PRKN: variants seen among roughly 807,000 people sequenced by gnomAD.
The protein encoded by PRKN is E3 ubiquitin-protein ligase parkin.
In PRKN, 56 loss-of-function variants were observed where a neutral mutation model predicts 59.5. The observed-to-expected ratio is 0.94, with a 90% CI of 0.76 to 1.18. PRKN has a LOEUF of 1.18. Ranked by LOEUF, PRKN falls within the 50% of genes most tolerant of loss-of-function variation. The probability of loss-of-function intolerance (pLI) is 0.00; values close to 1 mark genes in which losing one functional copy is unlikely to be tolerated. For missense variants in PRKN, 657 were observed against 596.4 expected (o/e 1.10, Z -1.06); for synonymous variants, 250 against 222.1 (o/e 1.13, Z -1.12).
Position 161,582,862 on chromosome 6 carries a change from TC to T in PRKN, c.872-13447del, listed in dbSNP as rs1178286205. 1.3e-5 allele frequency among the ~76,000 whole-genome samples: 2 copies of T among 151,980 alleles called. No individual in the cohort carries two copies. Among genetic ancestry groups the T allele is most frequent in the Non-Finnish European group, 2.9e-5 (2 of 67,990 alleles). ...CCAGGTTGGGAAGCTCAATGCTGCA[TC>T]CATGTAGCTGATCCCAGCATAGGCC... On this transcript the variant is annotated intron_variant, in intron 7 of 11. Coordinates refer to ENST00000366898, the MANE Select transcript of PRKN (RefSeq NM_004562.3). This position sits in a 1 kb window ranked among gnomAD's most constrained non-coding sequence, Gnocchi z 4.4.
At chr6:162,567,221 G>T (rs1009214101) in intron 1 of PRKN, among the ~76,000 whole-genome samples, 3 of 152,226 alleles carry the variant, frequency 2.0e-5, no homozygotes, top group Non-Finnish European at 2.9e-5. Context: ...TGACAAGGAT[G>T]CCTGATGTCA....
Position 161,444,281 on chromosome 6 carries a change from T to C in PRKN, c.1084-57404A>G, listed in dbSNP as rs189150945. Among the ~76,000 whole-genome samples, 611 of 152,290 alleles carry C rather than the reference T, an allele frequency of 4.0e-3. 4 individuals carry two copies. The highest frequency in any genetic ancestry group is 6.1e-3 in the Admixed American group (94 of 15,302). The stretch of plus-strand genomic sequence containing the variant: ...GCTCCCAATCATCTGTCAACTTGTC[T>C]TTCCTATTTAGCAAACGATTGAGAT... On this transcript the variant is annotated intron_variant, in intron 9 of 11. Transcript: ENST00000366898. This position sits in a 1 kb window ranked among gnomAD's most constrained non-coding sequence, Gnocchi z 5.6.
At chr6:161,367,225 C>T (rs1354846624) in intron 10 of PRKN, among the ~76,000 whole-genome samples, 2 of 151,920 alleles carry the variant, frequency 1.3e-5, no homozygotes, top group African/African-American at 4.8e-5. Context: ...TTGTGATCCA[C>T]CCGCCTCGGC....
At chr6:161,829,504 C>T (rs536230724) in intron 6 of PRKN, among the ~76,000 whole-genome samples, 35 of 152,210 alleles carry the variant, frequency 2.3e-4, no homozygotes, top group African/African-American at 7.0e-4. Context: ...ATCAGACAAG[C>T]GGGTTATGTC....
At chr6:161,712,987 T>G (rs1314573146) in intron 7 of PRKN, among the ~76,000 whole-genome samples, 1 of 152,072 alleles carries the variant, frequency 6.6e-6, no homozygotes, top group Non-Finnish European at 1.5e-5. Context: ...TCCCACAGAT[T>G]GAGGGCTCAG....
intron 9 of PRKN, among the ~76,000 whole-genome samples, chr6:161,426,644 TACAC>T (rs546537464): frequency 0.016 from 496 of 31,036 alleles, no homozygotes; most frequent in Non-Finnish European, 0.024. Context: ...AACTCCCCTT[TACAC>T]ACACACACAC....
intron 7 of PRKN, among the ~76,000 whole-genome samples, chr6:161,572,047 G>A (rs1213840559): frequency 6.6e-6 from 1 of 152,122 alleles, no homozygotes; most frequent in Non-Finnish European, 1.5e-5. Context: ...CTTGCAGATG[G>A]CAGATTGCAG....
intron 7 of PRKN, among the ~76,000 whole-genome samples, chr6:161,662,049 G>A (rs920567123): frequency 5.3e-5 from 8 of 151,916 alleles, no homozygotes; most frequent in Non-Finnish European, 8.8e-5. Flanking sequence ...AAACCATGTA[G>A]TACAAGTAAA....
intron 4 of PRKN, among the ~76,000 whole-genome samples, chr6:162,197,458 AT>A (rs1784540914): frequency 6.6e-6 from 1 of 152,150 alleles, no homozygotes; most frequent in Admixed American, 6.5e-5. Flanking sequence ...CCATAAGCAT[AT>A]TTTTTTCAAG....
Position 162,291,601 on chromosome 6 carries a change from TGAA to T in PRKN, c.172-28839_172-28837del, listed in dbSNP as rs575381783. 1.4e-3 allele frequency among the ~76,000 whole-genome samples: 220 copies of T among 152,188 alleles called. 1 individual carries two copies. Among genetic ancestry groups the T allele is most frequent in the African/African-American group, 4.9e-3 (203 of 41,530 alleles). On this transcript the variant is annotated intron_variant, in intron 2 of 11. Coordinates refer to ENST00000366898, the MANE Select transcript of PRKN (RefSeq NM_004562.3). Reference sequence around the variant, plus strand: ...CCTCACCTCCTGCTCGAAAGTCAGGTGAAGAAGGATTCTTGAGCCAAACATGAA... The same window carrying T: ...CCTCACCTCCTGCTCGAAAGTCAGGTGAAGGATTCTTGAGCCAAACATGAA...
At chr6:161,944,486 A>C (rs1779709574) in intron 6 of PRKN, among the ~76,000 whole-genome samples, 1 of 151,832 alleles carries the variant, frequency 6.6e-6, no homozygotes, top group Non-Finnish European at 1.5e-5. Flanking sequence ...GGGGCCATTG[A>C]AGGTTCCTCA....
chr6:161,635,607 G>T (rs1322001587), intron 7 of PRKN, among the ~76,000 whole-genome samples: 1 of 152,220 alleles, frequency 6.6e-6, no homozygotes, highest in Non-Finnish European at 1.5e-5. Flanking sequence ...TACATTGAAA[G>T]AATCCCGGAT....
intron 3 of PRKN, among the ~76,000 whole-genome samples, chr6:162,215,783 C>A (rs1173642246): frequency 6.6e-6 from 1 of 152,150 alleles, no homozygotes; most frequent in Admixed American, 6.6e-5. Flanking sequence ...CGGTGGCTCA[C>A]ACCTGTGATA....
At chr6:161,990,794 C>T (rs533747673) in intron 5 of PRKN, among the ~76,000 whole-genome samples, 16 of 152,194 alleles carry the variant, frequency 1.1e-4, no homozygotes, top group Admixed American at 9.2e-4. Context: ...TGGGGTGTTC[C>T]AGATGGTGAA....
chr6:162,526,873 A>G (rs1778311062), intron 1 of PRKN, among the ~76,000 whole-genome samples: 1 of 152,164 alleles, frequency 6.6e-6, no homozygotes, highest in Non-Finnish European at 1.5e-5. Flanking sequence ...CGTGGCTAAT[A>G]ATTCCTAGGT....
chr6:161,537,663 G>C (rs958477019), intron 9 of PRKN, among the ~76,000 whole-genome samples: 3 of 152,114 alleles, frequency 2.0e-5, no homozygotes, highest in Non-Finnish European at 4.4e-5. Flanking sequence ...ATGTTAGCCT[G>C]GATGGTCTCG....
At position 162,403,491 on chromosome 6, in the gene PRKN, C is replaced by T. The variant is rs902346722; in HGVS notation, c.171+39819G>A. On this transcript the variant is annotated intron_variant, in intron 2 of 11. Coordinates refer to ENST00000366898, the MANE Select transcript of PRKN (RefSeq NM_004562.3). ...TATCACCATCTGAAATACCACTGTG[C>T]ATATCTGATGGATTTATCTTGTCTG... is the stretch of plus-strand genomic sequence containing the variant. Among the ~76,000 whole-genome samples the T allele has an allele frequency of 1.1e-4, 17 of 152,290 alleles. No homozygotes were observed. The South Asian group carries it at 2.9e-3, about 26-fold the overall frequency.
intron 5 of PRKN, among the ~76,000 whole-genome samples, chr6:162,049,650 C>A (rs995356747): frequency 1.3e-5 from 2 of 152,164 alleles, no homozygotes; most frequent in African/African-American, 4.8e-5. Flanking sequence ...CAAATATCTG[C>A]TATGTGGTAC....
chr6:162,089,889 G>A (rs1779406541), intron 4 of PRKN, among the ~76,000 whole-genome samples: 1 of 152,206 alleles, frequency 6.6e-6, no homozygotes, highest in African/African-American at 2.4e-5. Context: ...AGAGGGAAGT[G>A]AGCAGGGGCA....
Sources: allele counts gnomAD v4.1 joint callset (sites outside exome capture counted in the v4.1 genomes callset), GRCh38; gene constraint gnomAD v4.1.1; non-coding constraint Gnocchi (gnomAD v3.1); transcripts MANE v1.5; gene names NCBI Gene and HGNC (gene_info 2026-07-23, HGNC 2026-07-21).